Variants in CACNA2D3 observed in about 807,000 individuals in gnomAD.
CACNA2D3 encodes calcium voltage-gated channel auxiliary subunit alpha2delta 3.
In CACNA2D3, 60 loss-of-function variants were observed where a neutral mutation model predicts 160.6. That is an observed-to-expected ratio of 0.37 (90% CI 0.30 to 0.46). The LOEUF (loss-of-function observed/expected upper bound fraction) is 0.46. Among genes scored for constraint, CACNA2D3 ranks in the 20% least tolerant of loss-of-function variants. The pLI is 1.00. For missense variants in CACNA2D3, 1,205 were observed against 1,365.0 expected, an observed-to-expected ratio of 0.88 and a Z score of 1.85; for synonymous variants, 558 against 492.9, an observed-to-expected ratio of 1.13 and a Z score of -1.75.
At chr3:54,546,160 A>G (rs1229509946) in intron 5 of CACNA2D3, among the ~76,000 whole-genome samples, 1 of 152,208 alleles carries the variant, frequency 6.6e-6, no homozygotes, top group East Asian at 1.9e-4. Flanking sequence ...AAGGGCCTGG[A>G]TGTGTGAAAG....
intron 26 of CACNA2D3, among the ~76,000 whole-genome samples, chr3:54,897,980 G>A (rs1700230248): frequency 6.6e-6 from 1 of 152,086 alleles, no homozygotes; most frequent in Admixed American, 6.6e-5. Context: ...TTGGGTCTGT[G>A]CTCCTTTGCT....
At chr3:54,998,489 G>A (rs1000854802) in intron 31 of CACNA2D3, among the ~76,000 whole-genome samples, 2 of 152,080 alleles carry the variant, frequency 1.3e-5, no homozygotes, top group African/African-American at 4.8e-5. Context: ...AGATGCTGAT[G>A]GGATTAATAT....
At chr3:54,624,466 C>CA (rs1199255144) in intron 9 of CACNA2D3, among the ~76,000 whole-genome samples, 14 of 152,004 alleles carry the variant, frequency 9.2e-5, no homozygotes, top group African/African-American at 3.4e-4. Flanking sequence ...ATTAAAAATA[C>CA]AAAAAATTAG....
intron 2 of CACNA2D3, among the ~76,000 whole-genome samples, chr3:54,286,098 A>C (rs542362805): frequency 4.5e-4 from 68 of 152,352 alleles, no homozygotes; most frequent in Non-Finnish European, 6.2e-4. Context: ...TGACGAGTTG[A>C]GAGAAGAAGG....
In CACNA2D3 at chr3:54,166,665, A is replaced by G. The variant is rs555623506; in HGVS notation, c.204+43071A>G. ...TAGTTAAAAAGGTGTTAGTGATGCT[A>G]TTGCCTGTGTGGTGCTTCATTTATA... On this transcript the variant is annotated intron_variant, in intron 2 of 37. Coordinates refer to ENST00000474759, the MANE Select transcript of CACNA2D3 (RefSeq NM_018398.3). Among the ~76,000 whole-genome samples, 8 of 152,298 alleles carry G rather than the reference A, an allele frequency of 5.3e-5. No individual in the cohort carries two copies. In the South Asian group the frequency reaches 8.3e-4, roughly 16 times the overall value.
intron 27 of CACNA2D3, among the ~76,000 whole-genome samples, chr3:54,939,511 G>T (rs888711687): frequency 2.0e-5 from 3 of 152,224 alleles, no homozygotes; most frequent in Non-Finnish European, 4.4e-5. Flanking sequence ...AGGGAGGCAG[G>T]GCCACAGGGA....
At position 54,527,780 on chromosome 3, in the gene CACNA2D3, A is replaced by G. The variant is rs865829888; in HGVS notation, c.544+24126A>G. On this transcript the variant is annotated intron_variant, in intron 5 of 37. Transcript: ENST00000474759. Reference sequence around the variant, plus strand: ...GAGAGAACCCTGTGTTCTTGGCCATATAAGCCTAGAGTGAGTTTGTGTCTT... The same window carrying G: ...GAGAGAACCCTGTGTTCTTGGCCATGTAAGCCTAGAGTGAGTTTGTGTCTT... Among the ~76,000 whole-genome samples the G allele has an allele frequency of 8.5e-5, 13 of 152,284 alleles. 1 individual carries two copies. In the South Asian group the frequency reaches 2.3e-3, roughly 27 times the overall value.
At chr3:54,355,517 G>GGTTGGCCATGGGGGAGCATGT (rs536320570) in intron 3 of CACNA2D3, among the ~76,000 whole-genome samples, 29 of 152,018 alleles carry the variant, frequency 1.9e-4, no homozygotes, top group African/African-American at 5.8e-4. Context: ...ATTGTTCATA[G>GGTTGGCCATGGGGGAGCATGT]GTTGGCCATG....
At position 54,450,429 on chromosome 3, in the gene CACNA2D3, T is replaced by G. The variant is rs2106815369; in HGVS notation, c.382-53063T>G. On this transcript the variant is annotated intron_variant, in intron 4 of 37. Coordinates refer to ENST00000474759, the MANE Select transcript of CACNA2D3 (RefSeq NM_018398.3). ...TAAGTCCAAAATCTCTGCTCTAGTT[T>G]GAATGTTTGTCCCCTATGAATCTCA... Among the ~76,000 whole-genome samples, 3 of 152,206 alleles carry G rather than the reference T, an allele frequency of 2.0e-5. No homozygotes were observed. In the East Asian group the frequency reaches 5.8e-4, roughly 29 times the overall value.
chr3:54,397,513 G>C (rs1233142967), intron 4 of CACNA2D3, among the ~76,000 whole-genome samples: 21 of 136,528 alleles, frequency 1.5e-4, no homozygotes, highest in South Asian at 8.2e-4. Flanking sequence ...TCTGGTATGT[G>C]GTGTCTTTGT....
intron 13 of CACNA2D3, among the ~76,000 whole-genome samples, chr3:54,795,385 A>G (rs1702847278): frequency 6.6e-6 from 1 of 151,652 alleles, no homozygotes; most frequent in African/African-American, 2.4e-5. Context: ...TGTATATGTT[A>G]CCTATTGATT....
intron 29 of CACNA2D3, among the ~76,000 whole-genome samples, chr3:54,973,122 A>C (rs1399272491): frequency 6.6e-6 from 1 of 152,142 alleles, no homozygotes; most frequent in Non-Finnish European, 1.5e-5. Flanking sequence ...GATGATATTG[A>C]AGACAATTCC....
chr3:54,665,833 G>C (rs886568380), intron 11 of CACNA2D3, among the ~76,000 whole-genome samples: 1 of 151,352 alleles, frequency 6.6e-6, no homozygotes, highest in African/African-American at 2.4e-5. Flanking sequence ...TGCCACCCAG[G>C]TTCCGCCACC....
intron 27 of CACNA2D3, among the ~76,000 whole-genome samples, chr3:54,959,999 C>T (rs1324670426): frequency 2.0e-5 from 3 of 151,610 alleles, no homozygotes; most frequent in African/African-American, 4.9e-5. Flanking sequence ...TAATTAGAAC[C>T]CAAATGGAGG....
intron 2 of CACNA2D3, among the ~76,000 whole-genome samples, chr3:54,310,455 T>C (rs760256401): frequency 6.6e-6 from 1 of 152,170 alleles, no homozygotes; most frequent in African/African-American, 2.4e-5. Context: ...TATTGCAACA[T>C]CTTTAGTAAC....
chr3:55,030,741 T>A (rs1703669215), intron 35 of CACNA2D3, among the ~76,000 whole-genome samples: 1 of 152,148 alleles, frequency 6.6e-6, no homozygotes, highest in Admixed American at 6.5e-5. Flanking sequence ...GAGGAAAAAG[T>A]ACCCTATTTC....
At chr3:54,283,768 T>C (rs551282324) in intron 2 of CACNA2D3, among the ~76,000 whole-genome samples, 13 of 152,124 alleles carry the variant, frequency 8.5e-5, no homozygotes, top group African/African-American at 3.1e-4. Flanking sequence ...TCTGTGTAGA[T>C]AGAGGAAGAG....
chr3:54,822,190 C>CG (rs1559595213), intron 14 of CACNA2D3, among the ~76,000 whole-genome samples: 2 of 151,950 alleles, frequency 1.3e-5, no homozygotes, highest in African/African-American at 4.8e-5. Context: ...ATTCCCAAGC[C>CG]GGGGGTGTTA....
intron 5 of CACNA2D3, among the ~76,000 whole-genome samples, chr3:54,543,318 G>A (rs1379329191): frequency 6.6e-6 from 1 of 152,208 alleles, no homozygotes; most frequent in Non-Finnish European, 1.5e-5. Flanking sequence ...GTTAGAGGAG[G>A]AAGTAAACTG....
Sources: gnomAD v4.1 joint callset for allele counts (sites outside exome capture counted in the v4.1 genomes callset) on GRCh38, gnomAD v4.1.1 for gene constraint, MANE v1.5 for transcripts, NCBI Gene and HGNC (gene_info 2026-07-23, HGNC 2026-07-21) for gene names.